Variants in SLC5A5 observed in about 807,000 individuals in gnomAD.
SLC5A5 encodes sodium/iodide cotransporter.
Under a neutral mutation model 68.6 loss-of-function variants are expected in SLC5A5, and 56 were observed. The ratio of observed to expected loss-of-function variants is 0.82; its 90% CI spans 0.66 to 1.02. SLC5A5 has a LOEUF of 1.02. Ranked by LOEUF, SLC5A5 falls within the 50% of genes least tolerant of loss-of-function variation. The pLI, the probability that SLC5A5 is intolerant of heterozygous loss-of-function variation, is 0.00. For synonymous variants in SLC5A5, 398 were observed against 373.0 expected (o/e 1.07, Z -0.77); for missense variants, 807 against 859.8 (o/e 0.94, Z 0.77).
chr19:17,888,617 TATCATCATCATC>T (rs59801766), intron 13 of SLC5A5, among the ~76,000 whole-genome samples, 162 bp downstream of exon 13: 9 of 131,488 alleles, frequency 6.8e-5, no homozygotes, highest in South Asian at 2.2e-4. Context: ...TTATTATTAT[TATCATCATCATC>T]ATCATCATCA....
chr19:17,878,582 T>C (rs1334213132), intron 7 of SLC5A5, among the ~76,000 whole-genome samples: 1 of 151,978 alleles, frequency 6.6e-6, no homozygotes, highest in Non-Finnish European at 1.5e-5. Context: ...TGGGAGGCAA[T>C]GGACCGCCCT....
At chr19:17,891,168 C>T (rs556874063) in intron 14 of SLC5A5, among the ~76,000 whole-genome samples, 167 bp downstream of exon 14, 1 of 152,288 alleles carries the variant, frequency 6.6e-6, no homozygotes, top group South Asian at 2.1e-4. Flanking sequence ...TTTTTATCTC[C>T]CTTCACAAGG....
chr19:17,877,197 T>G (rs1568420273), intron 5 of SLC5A5, among the ~76,000 whole-genome samples: 1 of 152,158 alleles, frequency 6.6e-6, no homozygotes, highest in Non-Finnish European at 1.5e-5. Flanking sequence ...AAAGAAAGGT[T>G]TTTAAGTGCG....
At chr19:17,875,763 C>T (rs1334387984) in intron 4 of SLC5A5, among the ~76,000 whole-genome samples, 189 bp from the exon 5 acceptor site, 1 of 151,762 alleles carries the variant, frequency 6.6e-6, no homozygotes, top group Non-Finnish European at 1.5e-5. Context: ...GGGCAAAAGA[C>T]AGAAACCTTT....
intron 12 of SLC5A5, among the ~76,000 whole-genome samples, chr19:17,885,178 T>C (rs144191757): frequency 6.6e-6 from 1 of 151,776 alleles, no homozygotes; most frequent in East Asian, 1.9e-4. Flanking sequence ...TGCTTGTTTT[T>C]ATTTTTATTT....
At chr19:17,875,884 C>T in intron 4 of SLC5A5, 68 bp from the exon 5 acceptor site, 1 of 1,507,708 alleles carries the variant, frequency 6.6e-7, no homozygotes, top group Non-Finnish European at 9.2e-7. Flanking sequence ...GGCATCAGTC[C>T]TAGGCACCAC....
intron 1 of SLC5A5, among the ~76,000 whole-genome samples, chr19:17,873,231 C>A (rs991558623): frequency 1.4e-4 from 21 of 150,018 alleles, no homozygotes; most frequent in African/African-American, 4.9e-4. Context: ...GAGGCCAAAG[C>A]ATGCAGATCA....
intron 10 of SLC5A5, among the ~76,000 whole-genome samples, chr19:17,883,298 G>A (rs1470841491): frequency 1.3e-5 from 2 of 149,612 alleles, no homozygotes; most frequent in African/African-American, 5.0e-5. Context: ...CTGGCTTGGG[G>A]TGGGGGAATT....
chr19:17,892,790 A>C (rs1442923196), intron 14 of SLC5A5, among the ~76,000 whole-genome samples: 1 of 151,990 alleles, frequency 6.6e-6, no homozygotes, highest in African/African-American at 2.4e-5. Flanking sequence ...AACTTTAGCC[A>C]GGGAAGTCAG....
At chr19:17,879,890 C>T (rs976126469) in intron 7 of SLC5A5, among the ~76,000 whole-genome samples, 5 of 150,358 alleles carry the variant, frequency 3.3e-5, no homozygotes, top group Non-Finnish European at 5.9e-5. Context: ...ATAGGGAGAC[C>T]CCATCTTTAC....
chr19:17,881,379 G>C (rs1049313078), intron 8 of SLC5A5, among the ~76,000 whole-genome samples: 6 of 151,954 alleles, frequency 3.9e-5, no homozygotes, highest in African/African-American at 1.5e-4. Context: ...CAATTCTCCT[G>C]CCTCAGCCTC....
Position 17,894,122 on chromosome 19 carries a change from A to G in SLC5A5, c.*245A>G. 1 of 487,602 alleles carries G rather than the reference A, an allele frequency of 2.1e-6. No homozygotes were observed. The highest frequency in any genetic ancestry group is 3.6e-6 in the Non-Finnish European group (1 of 274,162). The allele number at this position is 487,602 out of a possible 1,614,324, so 30.2% of individuals were successfully genotyped here. A position where few individuals can be genotyped will look rare whatever the true frequency, so the allele number is the denominator to read the frequency against. On this transcript the variant is annotated 3_prime_UTR_variant, in exon 15 of 15. Coordinates refer to ENST00000222248, the MANE Select transcript of SLC5A5 (RefSeq NM_000453.3). ...CAGCCCTGACGGCTCCCCCCAAATAAGGCTGGGTTTTTCTCTCTCTCTTTT... is the reference window on the plus strand; with the variant it reads ...CAGCCCTGACGGCTCCCCCCAAATAGGGCTGGGTTTTTCTCTCTCTCTTTT...
Position 17,875,945 on chromosome 19 carries a change from G to T in SLC5A5, c.544-7G>T. The T allele has an allele frequency of 6.2e-7, 1 of 1,614,084 alleles. No individual in the cohort carries two copies. The highest frequency in any genetic ancestry group is 8.5e-7 in the Non-Finnish European group (1 of 1,179,996). On this transcript the variant is annotated splice_polypyrimidine_tract_variant and splice_region_variant and intron_variant, in intron 4 of 14. Coordinates refer to ENST00000222248, the MANE Select transcript of SLC5A5 (RefSeq NM_000453.3). ...GCCCCTCTCCCTCTCTCTGTCCCATGCTGCAGGGCGGCATGAAGGCTGTGG... is the reference window on the plus strand; with the variant it reads ...GCCCCTCTCCCTCTCTCTGTCCCATTCTGCAGGGCGGCATGAAGGCTGTGG...
rs1599922593 is a variant in SLC5A5, at chr19:17,882,050, C to T, written c.1149C>T (p.Leu383=). 6.2e-6 allele frequency: 10 copies of T among 1,614,060 alleles called. No individual in the cohort carries two copies. The highest frequency in any genetic ancestry group is 8.5e-6 in the Non-Finnish European group (10 of 1,179,894). ...TGCGGAGCCTGGCACCCAGGAAACT[C>T]GTGATTATCTCCAAGGGGCTCTGTG... The part of the protein sequence containing the change: ...PRLRSLAPRK[L]VIISKGLSLI... The change falls in exon 9 of 15, where the codon CTC becomes CTT. Residue 383 remains leucine, a synonymous_variant. Coordinates refer to ENST00000222248, the MANE Select transcript of SLC5A5 (RefSeq NM_000453.3).
In SLC5A5 at chr19:17,877,861, G is replaced by A. The variant is rs761474524; in HGVS notation, c.837G>A (p.Lys279=). ...YVACRTEKQA[K]LALLINQVGL... ...CTTGCCGCACAGAGAAGCAGGCCAA[G>A]CTGTGAGTGTTTCGGGGAGCAAGGT... The change falls in exon 6 of 15, where the codon AAG becomes AAA. Residue 279 remains lysine (K), a splice_region_variant and synonymous_variant. Coordinates refer to ENST00000222248, the MANE Select transcript of SLC5A5 (RefSeq NM_000453.3). The A allele has an allele frequency of 3.1e-6, 5 of 1,614,232 alleles. No homozygotes were observed. In the East Asian group the frequency reaches 1.1e-4, roughly 36 times the overall value.
intron 13 of SLC5A5, among the ~76,000 whole-genome samples, chr19:17,890,350 G>A (rs553086727): frequency 1.3e-5 from 2 of 152,114 alleles, no homozygotes; most frequent in African/African-American, 4.8e-5. Flanking sequence ...GACTACAGGC[G>A]TGAGCCACCG....
chr19:17,891,117 C>A, intron 14 of SLC5A5, 116 bp downstream of exon 14: 1 of 745,774 alleles, frequency 1.3e-6, no homozygotes, highest in Admixed American at 1.9e-5. Context: ...TCATTATCTC[C>A]AGTCAAAAGA....
chr19:17,889,195 A>C (rs1426981123), intron 13 of SLC5A5, among the ~76,000 whole-genome samples: 1 of 151,758 alleles, frequency 6.6e-6, no homozygotes, highest in Non-Finnish European at 1.5e-5. Context: ...TCAGGAGTTC[A>C]AGACCAGCCC....
chr19:17,873,954 G>T (rs532751753), intron 1 of SLC5A5, among the ~76,000 whole-genome samples, 184 bp from the exon 2 acceptor site: 206 of 152,364 alleles, frequency 1.4e-3, no homozygotes, highest in Non-Finnish European at 2.4e-3. Flanking sequence ...CACGGGGTAC[G>T]CACAGGCACG....
Sources: allele counts gnomAD v4.1 joint callset (sites outside exome capture counted in the v4.1 genomes callset), GRCh38; gene constraint gnomAD v4.1.1; transcripts MANE v1.5; gene names NCBI Gene and HGNC (gene_info 2026-07-23, HGNC 2026-07-21).